Variants in TNFRSF19 observed in about 807,000 individuals in gnomAD.
TNFRSF19 encodes the protein TNF receptor superfamily member 19.
In TNFRSF19, 27 loss-of-function variants were observed where a neutral mutation model predicts 46.4. The observed-to-expected ratio is 0.58, with a 90% confidence interval of 0.43 to 0.80. The LOEUF is 0.80. TNFRSF19 is among the 30% of genes least tolerant of loss of function. TNFRSF19 has a pLI of 0.00. For synonymous variants in TNFRSF19, 204 were observed against 205.0 expected (o/e 1.00, Z 0.04); for missense variants, 511 against 530.8 (o/e 0.96, Z 0.37).
rs1951792373 is a variant in TNFRSF19, at chr13:23,673,927, A to G, written c.*547A>G. 6.6e-6 allele frequency: 1 copy of G among 152,258 alleles called. No individual in the cohort carries two copies. The highest frequency in any genetic ancestry group is 1.5e-5 in the Non-Finnish European group (1 of 68,066). The allele number at this position is 152,258 out of a possible 1,614,324, so 9.4% of individuals were successfully genotyped here. On this transcript the variant is annotated 3_prime_UTR_variant, in exon 10 of 10. Coordinates refer to ENST00000248484, the MANE Select transcript of TNFRSF19 (RefSeq NM_148957.4). ...TAAACTGATTCGCATAGGTGGTTAG[A>G]ATGGCCCTCATATTGCCTGCCTAAA... is the stretch of plus-strand genomic sequence containing the variant.
chr13:23,647,476 TA>T (rs1273544671), intron 5 of TNFRSF19, among the ~76,000 whole-genome samples: 1 of 152,070 alleles, frequency 6.6e-6, no homozygotes, highest in African/African-American at 2.4e-5. Flanking sequence ...GATCTTGGCT[TA>T]CTATAACCTT....
At chr13:23,602,097 C>T (rs1381014036) in intron 3 of TNFRSF19, among the ~76,000 whole-genome samples, 3 of 152,080 alleles carry the variant, frequency 2.0e-5, no homozygotes, top group Non-Finnish European at 4.4e-5. Flanking sequence ...GGTCAAAAAA[C>T]AAGATCCAAC....
chr13:23,574,013 G>GAT (rs927901215), intron 1 of TNFRSF19, among the ~76,000 whole-genome samples: 1 of 140,090 alleles, frequency 7.1e-6, no homozygotes, highest in Non-Finnish European at 1.5e-5. Flanking sequence ...AGTGAGCCGA[G>GAT]ATGGCGCCAC....
chr13:23,581,180 T>C (rs1393291107), intron 1 of TNFRSF19, among the ~76,000 whole-genome samples: 3 of 149,652 alleles, frequency 2.0e-5, no homozygotes, highest in Non-Finnish European at 4.4e-5. Context: ...CAGGCTGGAG[T>C]GCAGTGGCGC....
intron 5 of TNFRSF19, among the ~76,000 whole-genome samples, chr13:23,640,333 G>T (rs1220402012): frequency 6.6e-6 from 1 of 152,184 alleles, no homozygotes; most frequent in Non-Finnish European, 1.5e-5. Flanking sequence ...AATGTAGCTA[G>T]CTGTGTTGAT....
intron 4 of TNFRSF19, among the ~76,000 whole-genome samples, chr13:23,623,008 C>T (rs546110355): frequency 3.5e-4 from 54 of 152,214 alleles, no homozygotes; most frequent in East Asian, 3.3e-3. Flanking sequence ...TTTTTAGGTG[C>T]GCAGTTCAGT....
At chr13:23,591,728 CTTT>C (rs1238199379) in intron 2 of TNFRSF19, among the ~76,000 whole-genome samples, 3 of 103,640 alleles carry the variant, frequency 2.9e-5, no homozygotes, top group Non-Finnish European at 6.4e-5. Flanking sequence ...TTCTTTCTTT[CTTT>C]TTTTTTTTTT....
At chr13:23,620,216 T>G (rs1881562310) in intron 4 of TNFRSF19, among the ~76,000 whole-genome samples, 1 of 152,190 alleles carries the variant, frequency 6.6e-6, no homozygotes, top group African/African-American at 2.4e-5. Flanking sequence ...GGAACCCATT[T>G]TATAAACAGA....
At chr13:23,607,924 T>C (rs931633022) in intron 3 of TNFRSF19, among the ~76,000 whole-genome samples, 3 of 152,232 alleles carry the variant, frequency 2.0e-5, no homozygotes, top group African/African-American at 7.2e-5. Context: ...CTAATTATTA[T>C]TTTCTTTGGA....
chr13:23,641,428 G>T (rs182148043), intron 5 of TNFRSF19, among the ~76,000 whole-genome samples: 1 of 152,146 alleles, frequency 6.6e-6, no homozygotes, highest in Non-Finnish European at 1.5e-5. Flanking sequence ...TGCCTCCCAC[G>T]TTCAAGTGTT....
chr13:23,671,418 C>G (rs970470703), intron 9 of TNFRSF19, among the ~76,000 whole-genome samples: 5 of 151,686 alleles, frequency 3.3e-5, no homozygotes, highest in Admixed American at 2.6e-4. Flanking sequence ...AAAAAGGAAG[C>G]GTTAAAATAT....
chr13:23,649,950 C>T (rs547554375), intron 5 of TNFRSF19, among the ~76,000 whole-genome samples: 93 of 152,222 alleles, frequency 6.1e-4, no homozygotes, highest in African/African-American at 2.0e-3. Context: ...AACTTATGGA[C>T]ACTTGTTTTG....
intron 1 of TNFRSF19, among the ~76,000 whole-genome samples, chr13:23,579,711 C>T (rs1044883930): frequency 2.0e-5 from 3 of 152,164 alleles, no homozygotes; most frequent in African/African-American, 4.8e-5. Flanking sequence ...AGGGGCTGAC[C>T]GGGTCTCGGG....
At chr13:23,591,907 G>A (rs3794356) in intron 2 of TNFRSF19, among the ~76,000 whole-genome samples, 39,086 of 151,450 alleles carry the variant, frequency 0.26, 5,558 homozygotes, top group African/African-American at 0.38. Context: ...TTGTATTTTT[G>A]GTAGAGACAA....
intron 5 of TNFRSF19, among the ~76,000 whole-genome samples, chr13:23,657,163 C>T (rs531586794): frequency 7.9e-5 from 12 of 152,124 alleles, no homozygotes; most frequent in Non-Finnish European, 1.5e-4. Flanking sequence ...GTGTGCCTTC[C>T]CAGATGGCAA....
intron 5 of TNFRSF19, among the ~76,000 whole-genome samples, chr13:23,635,850 A>G (rs1882642344): frequency 1.3e-5 from 2 of 152,120 alleles, no homozygotes. Flanking sequence ...TTAACTTTCA[A>G]AATAATTTTT....
intron 3 of TNFRSF19, among the ~76,000 whole-genome samples, chr13:23,603,917 C>G (rs111322637): frequency 7.2e-5 from 11 of 151,926 alleles, no homozygotes; most frequent in Non-Finnish European, 1.5e-4. Flanking sequence ...AAACTAGAAG[C>G]TTTCCACTAA....
intron 3 of TNFRSF19, among the ~76,000 whole-genome samples, chr13:23,602,771 A>C (rs1393224452): frequency 1.3e-5 from 2 of 152,138 alleles, no homozygotes; most frequent in East Asian, 1.9e-4. Flanking sequence ...ACATGGGTCA[A>C]AGAGGATATT....
chr13:23,626,187 C>CTGTGTGTGTGTGTG (rs35509472), intron 4 of TNFRSF19, among the ~76,000 whole-genome samples: 2,102 of 145,498 alleles, frequency 0.014, 21 homozygotes, highest in African/African-American at 0.019. Flanking sequence ...TCTTTAAAAT[C>CTGTGTGTGTGTGTG]TGTGTGTGTG....
Sources: allele counts gnomAD v4.1 joint callset (sites outside exome capture counted in the v4.1 genomes callset), GRCh38; gene constraint gnomAD v4.1.1; transcripts MANE v1.5; gene names NCBI Gene and HGNC (gene_info 2026-07-23, HGNC 2026-07-21).